ITSN1: variants seen among roughly 807,000 people sequenced by gnomAD.
ITSN1 encodes the protein intersectin 1, also known as intersectin-1.
A neutral mutation model predicts 239.8 loss-of-function variants in ITSN1; 58 were observed. The ratio of observed to expected loss-of-function variants is 0.24; its 90% CI spans 0.20 to 0.30. The LOEUF is 0.30. ITSN1 is among the 10% of genes least tolerant of loss of function. The pLI, the probability that ITSN1 is intolerant of heterozygous loss-of-function variation, is 1.00. For missense variants in ITSN1, 1,558 were observed against 2,103.3 expected, an observed-to-expected ratio of 0.74 and a Z score of 5.07; for synonymous variants, 780 against 770.8, an observed-to-expected ratio of 1.01 and a Z score of -0.20.
intron 4 of ITSN1, among the ~76,000 whole-genome samples, chr21:33,727,465 A>T (rs923383340): frequency 6.6e-6 from 1 of 152,046 alleles, no homozygotes. Context: ...GAAGGCAAGG[A>T]TTAGATCAAC....
chr21:33,691,447 G>A (rs535842511), intron 1 of ITSN1, among the ~76,000 whole-genome samples: 1 of 152,286 alleles, frequency 6.6e-6, no homozygotes, highest in East Asian at 1.9e-4. Context: ...TAGTTAGGAA[G>A]ACTTTATTCA....
chr21:33,654,853 G>T (rs1343929938), intron 1 of ITSN1, among the ~76,000 whole-genome samples: 2 of 152,170 alleles, frequency 1.3e-5, no homozygotes, highest in Non-Finnish European at 2.9e-5. Flanking sequence ...ACAGCATTAA[G>T]CCACTCTCTT....
chr21:33,645,665 A>C (rs2087872064), intron 1 of ITSN1, among the ~76,000 whole-genome samples: 1 of 152,196 alleles, frequency 6.6e-6, no homozygotes, highest in Non-Finnish European at 1.5e-5. Flanking sequence ...AAAGTAAGTA[A>C]GTAAATAAAT....
chr21:33,727,605 T>C (rs1244414252), intron 4 of ITSN1, among the ~76,000 whole-genome samples: 2 of 92,530 alleles, frequency 2.2e-5, no homozygotes, highest in Admixed American at 1.2e-4. Flanking sequence ...GCTAAACTCA[T>C]ACAAAAAAAA....
At chr21:33,741,894 C>CAAAAAAAAA (rs57036929) in intron 5 of ITSN1, among the ~76,000 whole-genome samples, 1 of 74,142 alleles carries the variant, frequency 1.3e-5, no homozygotes, top group African/African-American at 4.9e-5. Flanking sequence ...GATTCCGTCT[C>CAAAAAAAAA]AAAAAAAAAA....
In ITSN1 at chr21:33,782,897, C is replaced by T. The variant is rs530482808; in HGVS notation, c.1824+764C>T. On this transcript the variant is annotated intron_variant, in intron 16 of 39. Transcript: ENST00000381318. ...AAAATTAGCCGGGCATGGTGGTGGG[C>T]GCCTGTAGTCCCAGCTACTTGGGAG... 1.8e-3 allele frequency among the ~76,000 whole-genome samples: 270 copies of T among 151,862 alleles called. 3 individuals carry two copies. Among genetic ancestry groups the T allele is most frequent in the African/African-American group, 6.0e-3 (249 of 41,364 alleles).
At chr21:33,741,070 G>T (rs115785981) in intron 5 of ITSN1, among the ~76,000 whole-genome samples, 1 of 152,174 alleles carries the variant, frequency 6.6e-6, no homozygotes, top group Non-Finnish European at 1.5e-5. Flanking sequence ...CTTTTCCTCA[G>T]TGTCTTTTTG....
chr21:33,669,443 T>TG (rs2090126395), intron 1 of ITSN1, among the ~76,000 whole-genome samples: 1 of 96,974 alleles, frequency 1.0e-5, no homozygotes, highest in Non-Finnish European at 2.1e-5. Context: ...TTCATTTAAG[T>TG]TTTTTTTTTT....
chr21:33,787,290 A>G (rs1005627627), intron 16 of ITSN1, among the ~76,000 whole-genome samples: 16 of 152,232 alleles, frequency 1.1e-4, no homozygotes, highest in Non-Finnish European at 2.2e-4. Flanking sequence ...CATGGGAGAC[A>G]TACTGTGATC....
At chr21:33,826,774 T>A (rs1285290486) in intron 25 of ITSN1, 44 bp from the exon 26 acceptor site, 1 of 1,587,482 alleles carries the variant, frequency 6.3e-7, no homozygotes, top group Non-Finnish European at 8.6e-7. Flanking sequence ...AGTTGCATGA[T>A]CAAAACTTCA....
chr21:33,867,788 A>C (rs568876633), intron 33 of ITSN1, among the ~76,000 whole-genome samples: 98 of 151,588 alleles, frequency 6.5e-4, no homozygotes, highest in African/African-American at 2.3e-3. Context: ...TCTGATGTTC[A>C]GATGTGTTCG....
chr21:33,686,926 T>C (rs2091270381), intron 1 of ITSN1, among the ~76,000 whole-genome samples: 1 of 152,220 alleles, frequency 6.6e-6, no homozygotes, highest in Admixed American at 6.5e-5. Context: ...GTGGTTTTGT[T>C]TGTCAGTGGC....
rs542082631 is a variant in ITSN1, at chr21:33,858,623, C to T, written c.3784-63C>T. The T allele has an allele frequency of 3.0e-5, 31 of 1,024,098 alleles. No individual in the cohort carries two copies. In the East Asian group the frequency reaches 4.8e-4, roughly 16 times the overall value. The allele number at this position is 1,024,098 out of a possible 1,614,324, so 63.4% of individuals were successfully genotyped here. A position where few individuals can be genotyped will look rare whatever the true frequency, so the allele number is the denominator to read the frequency against. Reference sequence around the variant, plus strand: ...CCTTTCCCTGCTCTCAGCGGATCGGCGTGTGAGTGTGTGAGTTTTAAGCTA... The same window carrying T: ...CCTTTCCCTGCTCTCAGCGGATCGGTGTGTGAGTGTGTGAGTTTTAAGCTA... On this transcript the variant is annotated intron_variant, in intron 30 of 39. Transcript: ENST00000381318.
intron 25 of ITSN1, among the ~76,000 whole-genome samples, chr21:33,825,477 C>G (rs2073929114): frequency 6.6e-6 from 1 of 152,188 alleles, no homozygotes; most frequent in Non-Finnish European, 1.5e-5. Context: ...TCCCATCCTG[C>G]TTCCCTTCTC....
intron 1 of ITSN1, among the ~76,000 whole-genome samples, chr21:33,656,018 T>A (rs531973678): frequency 7.6e-4 from 115 of 152,282 alleles, no homozygotes; most frequent in Middle Eastern, 6.8e-3. Flanking sequence ...TTTTCTTTAT[T>A]CATAATTGTA....
intron 22 of ITSN1, chr21:33,817,784 GC>G: frequency 1.7e-6 from 1 of 574,680 alleles, no homozygotes; most frequent in Non-Finnish European, 2.6e-6. Context: ...ACTAAAACAA[GC>G]ATAATCCAGA....
rs1986196440 is a variant in ITSN1 at position 33,889,336 on chromosome 21, G to A, written c.*1036G>A. On this transcript the variant is annotated 3_prime_UTR_variant, in exon 40 of 40. Coordinates refer to ENST00000381318, the MANE Select transcript of ITSN1 (RefSeq NM_003024.3). The stretch of plus-strand genomic sequence containing the variant: ...GGAAAAATATCAAGCTGGAGGTTGG[G>A]AAAGAAAATGAAGGCAGTCCATTAT... 1 of 152,266 alleles carries A rather than the reference G, an allele frequency of 6.6e-6. No homozygotes were observed. Among genetic ancestry groups the A allele is most frequent in the Non-Finnish European group, 1.5e-5 (1 of 68,032 alleles). The allele number at this position is 152,266 out of a possible 1,614,324, so 9.4% of individuals were successfully genotyped here.
At chr21:33,759,165 C>G (rs1268792839) in intron 8 of ITSN1, among the ~76,000 whole-genome samples, 1 of 152,218 alleles carries the variant, frequency 6.6e-6, no homozygotes, top group Admixed American at 6.5e-5. Flanking sequence ...CGTAGCATGA[C>G]AACAACCATA....
chr21:33,671,182 C>T (rs555938023), intron 1 of ITSN1, among the ~76,000 whole-genome samples: 3 of 152,140 alleles, frequency 2.0e-5, no homozygotes, highest in Non-Finnish European at 4.4e-5. Context: ...GCGAATGAGA[C>T]CACCAAAAAT....
Sources: gnomAD v4.1 joint callset for allele counts (sites outside exome capture counted in the v4.1 genomes callset) on GRCh38, gnomAD v4.1.1 for gene constraint, MANE v1.5 for transcripts, NCBI Gene and HGNC (gene_info 2026-07-23, HGNC 2026-07-21) for gene names.